The following ASPA variants were observed in gnomAD, a reference collection of about 807,000 sequenced individuals.
The protein encoded by ASPA is aspartoacylase, also known as ACY-2.
A neutral mutation model predicts 29.6 loss-of-function variants in ASPA; 25 were observed. That is an observed-to-expected ratio of 0.85 (90% CI 0.62 to 1.18). The LOEUF is 1.18. Ranked by LOEUF, ASPA falls within the 50% of genes most tolerant of loss-of-function variation. The pLI is 0.00. For missense variants in ASPA, 333 were observed against 385.7 expected (o/e 0.86, Z 1.14); for synonymous variants, 131 against 130.3 (o/e 1.01, Z -0.04).
rs2074010365 is a variant in ASPA at position 3,503,203 on chromosome 17, G to A, written c.*4115G>A. ...TTACCAAAAATACTAACATTATCTGGAATGAATGAATGAATGAATGAATGA... is the reference window on the plus strand; with the variant it reads ...TTACCAAAAATACTAACATTATCTGAAATGAATGAATGAATGAATGAATGA... On this transcript the variant is annotated 3_prime_UTR_variant, in exon 6 of 6. Transcript: ENST00000263080. 6.7e-6 allele frequency: 1 copy of A among 149,734 alleles called. No individual in the cohort carries two copies. Among genetic ancestry groups the A allele is most frequent in the South Asian group, 2.1e-4 (1 of 4,774 alleles). The allele number at this position is 149,734 out of a possible 1,614,324, so 9.3% of individuals were successfully genotyped here. A position where few individuals can be genotyped will look rare whatever the true frequency, so the allele number is the denominator to read the frequency against.
intron 1 of ASPA, among the ~76,000 whole-genome samples, chr17:3,477,203 A>G (rs1388436487): frequency 1.3e-5 from 2 of 152,174 alleles, no homozygotes; most frequent in Non-Finnish European, 2.9e-5. Context: ...CCTCCCTGTG[A>G]TCCGAAGTAG....
At chr17:3,497,802 C>G (rs1034252821) in intron 5 of ASPA, among the ~76,000 whole-genome samples, 5 of 152,158 alleles carry the variant, frequency 3.3e-5, no homozygotes, top group Admixed American at 3.3e-4. Context: ...CTGGGTGATG[C>G]GGATGCTGCT....
At chr17:3,479,561 C>A (rs1394181493) in intron 1 of ASPA, among the ~76,000 whole-genome samples, 1 of 152,108 alleles carries the variant, frequency 6.6e-6, no homozygotes, top group Non-Finnish European at 1.5e-5. Context: ...TTCTACCTTC[C>A]CACAGCACTG....
At position 3,481,589 on chromosome 17, in the gene ASPA, T is replaced by G. The variant is rs1188642815; in HGVS notation, c.237-14T>G. The stretch of plus-strand genomic sequence containing the variant: ...CACAGATGTTGTTCATCTTTTTCTT[T>G]CTGCTTATAACAGCAAAAAAATGTC... On this transcript the variant is annotated splice_polypyrimidine_tract_variant and intron_variant, in intron 1 of 5. Coordinates refer to ENST00000263080, the MANE Select transcript of ASPA (RefSeq NM_000049.4). The G allele has an allele frequency of 6.2e-7, 1 of 1,610,516 alleles. No homozygotes were observed. The highest frequency in any genetic ancestry group is 8.5e-7 in the Non-Finnish European group (1 of 1,177,760).
chr17:3,487,362 A>C (rs901710852), intron 3 of ASPA, among the ~76,000 whole-genome samples: 1 of 152,220 alleles, frequency 6.6e-6, no homozygotes, highest in Non-Finnish European at 1.5e-5. Context: ...GAAGGAGAAC[A>C]TATAACATTT....
rs1209746911 is a variant in ASPA at position 3,501,613 on chromosome 17, G to GTTGATAAAGCAGCAGC, written c.*2526_*2541dup. The GTTGATAAAGCAGCAGC allele has an allele frequency of 2.9e-4, 49 of 166,372 alleles. No homozygotes were observed. Among genetic ancestry groups the GTTGATAAAGCAGCAGC allele is most frequent in the Non-Finnish European group, 5.7e-4 (45 of 78,948 alleles). The allele number at this position is 166,372 out of a possible 1,614,324, so 10.3% of individuals were successfully genotyped here. ...GGATTTAGAATATTACGTAAACATA[G>GTTGATAAAGCAGCAGC]TTGATAAAGCAGCAGCAGGGTTTAA... On this transcript the variant is annotated 3_prime_UTR_variant, in exon 6 of 6. Transcript: ENST00000263080.
At position 3,483,568 on chromosome 17, in the gene ASPA, C is replaced by T. The variant is rs937670540; in HGVS notation, c.502C>T (p.Arg168Cys). The change falls in exon 3 of 6, where the codon CGT becomes TGT. Residue 168 changes from arginine (R) to cysteine (C), a missense_variant. Arg to Cys is a radical substitution (Grantham distance 180, BLOSUM62 -3). Coordinates refer to ENST00000263080, the MANE Select transcript of ASPA (RefSeq NM_000049.4). The stretch of plus-strand genomic sequence containing the variant: ...TCCTTCCCTCAAATATGCGACCACT[C>T]GTTCCATAGCCAAGTATCCTGTGGG... ...EHPSLKYATT[R>C]SIAKYPVGIE... 4 of 1,613,858 alleles carry T rather than the reference C, an allele frequency of 2.5e-6. No individual in the cohort carries two copies. Among genetic ancestry groups the T allele is most frequent in the African/African-American group, 1.3e-5 (1 of 75,046 alleles).
chr17:3,498,970 A>C lies in ASPA; in HGVS notation c.824A>C (p.Asp275Ala), dbSNP rs2073955760. Residue 275 changes from aspartate to alanine, a missense_variant, in exon 6 of 6, where the codon GAC (aspartate) becomes GCC (alanine). Physicochemically the swap from Asp to Ala is moderately radical, Grantham distance 126. Transcript: ENST00000263080. ...LDGKTIPLGG[D>A]CTVYPVFVNE... Reference sequence around the variant, plus strand: ...GGGAAGACGATCCCACTGGGCGGAGACTGTACCGTGTACCCCGTGTTTGTG... The same window carrying C: ...GGGAAGACGATCCCACTGGGCGGAGCCTGTACCGTGTACCCCGTGTTTGTG... 7 of 1,614,156 alleles carry C rather than the reference A, an allele frequency of 4.3e-6. No individual in the cohort carries two copies. The highest frequency in any genetic ancestry group is 5.9e-6 in the Non-Finnish European group (7 of 1,180,000).
At chr17:3,484,919 C>G (rs1353426823) in intron 3 of ASPA, among the ~76,000 whole-genome samples, 1 of 152,148 alleles carries the variant, frequency 6.6e-6, no homozygotes, top group East Asian at 1.9e-4. Context: ...GTTCCCTATC[C>G]CCTTCTGCAG....
In ASPA at chr17:3,481,675, A is replaced by G. The variant is rs922754514; in HGVS notation, c.309A>G (p.Lys103=). The G allele has an allele frequency of 9.9e-6, 16 of 1,613,814 alleles. No homozygotes were observed. In the Admixed American group the frequency reaches 1.3e-4, roughly 13 times the overall value. ...AQEINHLFGP[K]DSEDSYDIIF... ...AAATAAATCATTTATTTGGTCCAAA[A>G]GACAGTGAAGATTCCTATGACATTA... Residue 103 remains lysine, a synonymous_variant, in exon 2 of 6, where the codon AAA becomes AAG. Coordinates refer to ENST00000263080, the MANE Select transcript of ASPA (RefSeq NM_000049.4).
chr17:3,478,211 G>GAT (rs1456989322), intron 1 of ASPA, among the ~76,000 whole-genome samples: 5 of 151,278 alleles, frequency 3.3e-5, no homozygotes, highest in Non-Finnish European at 5.9e-5. Flanking sequence ...ATATATATAA[G>GAT]ATATGCACAG....
chr17:3,496,312 A>G (rs765851463), intron 5 of ASPA, among the ~76,000 whole-genome samples: 3 of 152,274 alleles, frequency 2.0e-5, no homozygotes, highest in African/African-American at 7.2e-5. Flanking sequence ...AACAATATGT[A>G]AACCAAATCA....
At chr17:3,489,888 T>C (rs1186395385) in intron 4 of ASPA, among the ~76,000 whole-genome samples, 5 of 152,220 alleles carry the variant, frequency 3.3e-5, no homozygotes, top group Admixed American at 2.0e-4. Context: ...AAGCAACATG[T>C]TGTTTACAAA....
intron 1 of ASPA, among the ~76,000 whole-genome samples, chr17:3,478,817 T>A (rs2073578379): frequency 6.6e-6 from 1 of 152,220 alleles, no homozygotes. Context: ...GGTGGCATCA[T>A]TATCCACCAA....
At chr17:3,489,733 G>A (rs2073790010) in intron 4 of ASPA, among the ~76,000 whole-genome samples, 1 of 152,170 alleles carries the variant, frequency 6.6e-6, no homozygotes, top group African/African-American at 2.4e-5. Context: ...AGGAAAAGGG[G>A]AAACTCTCAT....
chr17:3,481,901 G>A (rs2073638004), intron 2 of ASPA, 103 bp downstream of exon 2: 2 of 1,124,054 alleles, frequency 1.8e-6, no homozygotes, highest in South Asian at 1.5e-5. Context: ...GAAGGTGCAA[G>A]AGAAATGGGG....
At chr17:3,496,988 C>T (rs554378965) in intron 5 of ASPA, among the ~76,000 whole-genome samples, 2 of 152,304 alleles carry the variant, frequency 1.3e-5, no homozygotes, top group East Asian at 3.9e-4. Flanking sequence ...ATTGCTTGAA[C>T]TCGGGAGGTG....
In ASPA at chr17:3,501,965, A is replaced by G. The variant is rs72825816; in HGVS notation, c.*2877A>G. The G allele has an allele frequency of 6.6e-6, 1 of 151,280 alleles. No individual in the cohort carries two copies. Among genetic ancestry groups the G allele is most frequent in the African/African-American group, 2.4e-5 (1 of 41,194 alleles). The allele number at this position is 151,280 out of a possible 1,614,324, so 9.4% of individuals were successfully genotyped here. A position where few individuals can be genotyped will look rare whatever the true frequency, so the allele number is the denominator to read the frequency against. On this transcript the variant is annotated 3_prime_UTR_variant, in exon 6 of 6. Coordinates refer to ENST00000263080, the MANE Select transcript of ASPA (RefSeq NM_000049.4). Reference sequence around the variant, plus strand: ...AAGCCTCCATCTCAAAAAAAAAAAAAAAAAAAAAATGAGTTCTACTGTGAA... The same window carrying G: ...AAGCCTCCATCTCAAAAAAAAAAAAGAAAAAAAAATGAGTTCTACTGTGAA...
At chr17:3,494,706 A>C (rs2073881646) in intron 5 of ASPA, among the ~76,000 whole-genome samples, 1 of 152,212 alleles carries the variant, frequency 6.6e-6, no homozygotes. Flanking sequence ...GTGTAGGTAC[A>C]CAAAAGTCTA....
Sources: gnomAD v4.1 joint callset for allele counts (sites outside exome capture counted in the v4.1 genomes callset) on GRCh38, gnomAD v4.1.1 for gene constraint, MANE v1.5 for transcripts, NCBI Gene and HGNC (gene_info 2026-07-23, HGNC 2026-07-21) for gene names.